NIFK: variants seen among roughly 807,000 people sequenced by gnomAD.
NIFK encodes MKI67 FHA domain-interacting nucleolar phosphoprotein.
Under a neutral mutation model 31.7 loss-of-function variants are expected in NIFK, and 16 were observed. That is an observed-to-expected ratio of 0.50 (90% CI 0.34 to 0.77). The LOEUF is 0.77. Among genes scored for constraint, NIFK ranks in the 30% least tolerant of loss-of-function variants. The probability of loss-of-function intolerance (pLI) is 0.01; values close to 1 mark genes in which losing one functional copy is unlikely to be tolerated. For synonymous variants in NIFK, 126 were observed against 123.0 expected, an observed-to-expected ratio of 1.02 and a Z score of -0.16; for missense variants, 341 against 350.4, an observed-to-expected ratio of 0.97 and a Z score of 0.21.
intron 3 of NIFK, among the ~76,000 whole-genome samples, chr2:121,731,353 C>A: frequency 6.6e-6 from 1 of 152,130 alleles, no homozygotes; most frequent in South Asian, 2.1e-4. Flanking sequence ...CTTCGCTTTG[C>A]CTCCCAAGGG....
In NIFK at chr2:121,728,494, T is replaced by C. The variant is rs1474399573; in HGVS notation, c.607A>G (p.Thr203Ala). 2.5e-6 allele frequency: 4 copies of C among 1,587,030 alleles called. No homozygotes were observed. The highest frequency in any genetic ancestry group is 3.4e-6 in the Non-Finnish European group (4 of 1,169,870). Residue 203 changes from threonine (T) to alanine (A), a missense_variant, in exon 5 of 7, where the codon ACG (threonine) becomes GCG (alanine). Transcript: ENST00000285814. Reference sequence around the variant, plus strand: ...AATTTTACCTGGCCTTTTGTAGACGTCTGACGATTAGTTTTTGAAATACTT... The same window carrying C: ...AATTTTACCTGGCCTTTTGTAGACGCCTGACGATTAGTTTTTGAAATACTT... ...TESISKTNRQ[T>A]STKGQVLRKK...
At chr2:121,730,287 C>CT (rs1158109092) in intron 4 of NIFK, 2 of 154,640 alleles carry the variant, frequency 1.3e-5, no homozygotes, top group Non-Finnish European at 2.9e-5. Flanking sequence ...AATCCTAGCA[C>CT]TTTGGGAGGC....
At chr2:121,728,749 G>A (rs1164918396) in intron 4 of NIFK, 5 of 472,160 alleles carry the variant, frequency 1.1e-5, no homozygotes, top group Non-Finnish European at 1.9e-5. Flanking sequence ...GAGGTTGAAG[G>A]GAAGGCCAAA....
At chr2:121,733,053 G>T (rs2074555259) in intron 2 of NIFK, among the ~76,000 whole-genome samples, 1 of 151,982 alleles carries the variant, frequency 6.6e-6, no homozygotes, top group Non-Finnish European at 1.5e-5. Flanking sequence ...CTGCACTCCA[G>T]CCTGGGCAAC....
chr2:121,728,287 C>T lies in NIFK; in HGVS notation c.693+1G>A, dbSNP rs1209617259. On this transcript the variant is annotated splice_donor_variant, in intron 6 of 6. Transcript: ENST00000285814. LOFTEE classifies it high-confidence loss of function. Reference sequence around the variant, plus strand: ...GTCTGGAGTATTGAAAACCATTTTACCTGGCTATCCACAGTCTTCTCAGGA... The same window carrying T: ...GTCTGGAGTATTGAAAACCATTTTATCTGGCTATCCACAGTCTTCTCAGGA... 6.3e-7 allele frequency: 1 copy of T among 1,589,498 alleles called. No homozygotes were observed. The highest frequency in any genetic ancestry group is 2.2e-5 in the East Asian group (1 of 44,590).
intron 4 of NIFK, among the ~76,000 whole-genome samples, chr2:121,728,912 T>C (rs1280085299): frequency 2.0e-5 from 3 of 152,074 alleles, no homozygotes; most frequent in Non-Finnish European, 4.4e-5. Context: ...CTGTCTCAGT[T>C]CCCAAATGGT....
At chr2:121,731,327 AC>A in intron 3 of NIFK, 1 of 520,604 alleles carries the variant, frequency 1.9e-6, no homozygotes, top group Non-Finnish European at 3.4e-6. Context: ...CACCATGGGC[AC>A]AGGGAAGCCA....
Position 121,732,126 on chromosome 2 carries a change from T to A in NIFK, c.322A>T (p.Asn108Tyr), listed in dbSNP as rs749717572. Residue 108 changes from asparagine (N) to tyrosine (Y), a missense_variant, in exon 3 of 7, where the codon AAC becomes TAC. Coordinates refer to ENST00000285814, the MANE Select transcript of NIFK (RefSeq NM_032390.5). ...AAGAGTCTTTCACCAAACAGGTAGT[T>A]GTTCATTGTTTCAGCAACTATTTTG... ...VAKIVAETMN[N>Y]YLFGERLLEC... 6 of 1,611,368 alleles carry A rather than the reference T, an allele frequency of 3.7e-6. No homozygotes were observed. The highest frequency in any genetic ancestry group is 4.2e-6 in the Non-Finnish European group (5 of 1,177,566).
chr2:121,731,772 G>A (rs1403729381), intron 3 of NIFK, among the ~76,000 whole-genome samples: 1 of 152,102 alleles, frequency 6.6e-6, no homozygotes, highest in Non-Finnish European at 1.5e-5. Flanking sequence ...GCTCACTCCT[G>A]TTTAGTCTTC....
Position 121,736,797 on chromosome 2 carries a change from T to C in NIFK, c.54A>G (p.Glu18=). Residue 18 remains glutamate (E), a synonymous_variant, in exon 1 of 7, where the codon GAA becomes GAG. Transcript: ENST00000285814. ...AGPILSLNPQ[E]DVEFQKEVAQ... ...CCACCTCCTTTTGAAACTCGACATC[T>C]TCCTGCGGATTAAGCGACAGGATTG... 1.2e-6 allele frequency: 2 copies of C among 1,614,156 alleles called. No individual in the cohort carries two copies. The highest frequency in any genetic ancestry group is 1.3e-5 in the African/African-American group (1 of 75,072).
chr2:121,727,962 T>C (rs201276186), intron 6 of NIFK, 50 bp from the exon 7 acceptor site: 1 of 1,475,538 alleles, frequency 6.8e-7, no homozygotes, highest in East Asian at 2.3e-5. Context: ...AACATGATTA[T>C]GACTTTACCC....
intron 1 of NIFK, 83 bp downstream of exon 1, chr2:121,736,663 G>T: frequency 8.3e-7 from 1 of 1,211,614 alleles, no homozygotes; most frequent in Non-Finnish European, 1.2e-6. Flanking sequence ...GGGGCGCCCG[G>T]GCCGGAAACC....
intron 2 of NIFK, among the ~76,000 whole-genome samples, chr2:121,734,305 C>T (rs1042789163): frequency 6.6e-5 from 10 of 151,658 alleles, no homozygotes; most frequent in African/African-American, 2.4e-4. Flanking sequence ...CTTTAGTAAC[C>T]TAAGTAATGA....
At position 121,735,765 on chromosome 2, in the gene NIFK, A is replaced by G; in HGVS notation, c.106-15T>C. The G allele has an allele frequency of 1.2e-6, 2 of 1,602,794 alleles. No homozygotes were observed. The highest frequency in any genetic ancestry group is 2.2e-5 in the South Asian group (2 of 89,140). On this transcript the variant is annotated splice_polypyrimidine_tract_variant and intron_variant, in intron 1 of 6. Transcript: ENST00000285814. ...TGTTTTTTTCGCTAAAGACGTAAAGACCAGGTAAATTAAATATATAAATAA... is the reference window on the plus strand; with the variant it reads ...TGTTTTTTTCGCTAAAGACGTAAAGGCCAGGTAAATTAAATATATAAATAA...
chr2:121,731,214 C>T (rs979059295), intron 3 of NIFK, 110 bp from the exon 4 acceptor site: 5 of 629,206 alleles, frequency 7.9e-6, no homozygotes, highest in Non-Finnish European at 1.4e-5. Context: ...GTGGCTCACA[C>T]CTGTAATCCC....
chr2:121,729,157 C>T (rs144755382), intron 4 of NIFK, among the ~76,000 whole-genome samples: 4,953 of 151,878 alleles, frequency 0.033, 300 homozygotes, highest in African/African-American at 0.11. Flanking sequence ...GTCAGGAGTT[C>T]GAGACCAGCC....
intron 2 of NIFK, among the ~76,000 whole-genome samples, 173 bp from the exon 3 acceptor site, chr2:121,732,377 G>GA (rs2074547650): frequency 6.6e-6 from 1 of 152,204 alleles, no homozygotes; most frequent in African/African-American, 2.4e-5. Context: ...ATGGGAAAAA[G>GA]AAAAGATGCA....
At chr2:121,728,585 C>G (rs375308976) in intron 4 of NIFK, 49 bp from the exon 5 acceptor site, 5 of 1,062,916 alleles carry the variant, frequency 4.7e-6, no homozygotes, top group Middle Eastern at 4.4e-4. Context: ...TCTTTCTAAA[C>G]TTAGCATTAG....
At position 121,735,739 on chromosome 2, in the gene NIFK, T is replaced by C; in HGVS notation, c.117A>G (p.Gln39=). 6.2e-7 allele frequency: 1 copy of C among 1,612,396 alleles called. No individual in the cohort carries two copies. The highest frequency in any genetic ancestry group is 8.5e-7 in the Non-Finnish European group (1 of 1,179,650). ...VRKRITQRKK[Q]EQLTPGVVYV... is the part of the protein sequence containing the mutation. ...AGACTACTCCAGGAGTAAGTTGTTC[T>C]TGTTTTTTTCGCTAAAGACGTAAAG... Residue 39 remains glutamine (Q), a synonymous_variant, in exon 2 of 7, where the codon CAA becomes CAG. Coordinates refer to ENST00000285814, the MANE Select transcript of NIFK (RefSeq NM_032390.5).
Sources: allele counts gnomAD v4.1 joint callset (sites outside exome capture counted in the v4.1 genomes callset), GRCh38; gene constraint gnomAD v4.1.1; transcripts MANE v1.5; gene names NCBI Gene and HGNC (gene_info 2026-07-23, HGNC 2026-07-21).